The following AUTS2 variants were observed in gnomAD, a reference collection of about 807,000 sequenced individuals.
AUTS2 encodes autism susceptibility gene 2 protein.
Under a neutral mutation model 112.4 loss-of-function variants are expected in AUTS2, and 17 were observed. The observed-to-expected ratio is 0.15, with a 90% CI of 0.10 to 0.23. The LOEUF is 0.23. AUTS2 is among the 10% of genes least tolerant of loss of function. The pLI is 1.00. For synonymous variants in AUTS2, 751 were observed against 702.7 expected (o/e 1.07, Z -1.09); for missense variants, 1,510 against 1,701.6 (o/e 0.89, Z 1.98).
At chr7:70,515,696 C>CCT (rs914414901) in intron 5 of AUTS2, among the ~76,000 whole-genome samples, 6 of 151,800 alleles carry the variant, frequency 4.0e-5, no homozygotes, top group Non-Finnish European at 4.4e-5. Flanking sequence ...CCTGACTCTC[C>CCT]CTCTCTCTCT....
intron 5 of AUTS2, among the ~76,000 whole-genome samples, chr7:70,583,646 G>A (rs1399802490): frequency 6.6e-6 from 1 of 152,228 alleles, no homozygotes; most frequent in Non-Finnish European, 1.5e-5. Context: ...TGGACAGTGA[G>A]TGAAGAAAGA....
rs374543649 is a variant in AUTS2, at chr7:70,547,864, C to T, written c.690+112083C>T. Among the ~76,000 whole-genome samples, 4 of 152,152 alleles carry T rather than the reference C, an allele frequency of 2.6e-5. No homozygotes were observed. The South Asian group carries it at 8.3e-4, about 32-fold the overall frequency. ...ATGCAATAAGTTTCTGTTTAACTTT[C>T]TTAAGATACTGCCACACTGTTTTCC... On this transcript the variant is annotated intron_variant, in intron 5 of 18. Transcript: ENST00000342771.
intron 5 of AUTS2, among the ~76,000 whole-genome samples, chr7:70,625,565 G>A (rs1048422569): frequency 3.3e-5 from 5 of 152,178 alleles, no homozygotes; most frequent in Admixed American, 6.5e-5. Flanking sequence ...GCTCCTTGAG[G>A]ATAAAGGCTA....
chr7:70,386,970 G>A (rs556643108), intron 4 of AUTS2, among the ~76,000 whole-genome samples: 3 of 152,180 alleles, frequency 2.0e-5, no homozygotes, highest in South Asian at 4.2e-4. Context: ...TCTCTAAGGT[G>A]GATGCCTTCA....
intron 5 of AUTS2, among the ~76,000 whole-genome samples, chr7:70,515,425 T>G (rs1243659611): frequency 6.6e-6 from 1 of 152,188 alleles, no homozygotes; most frequent in Non-Finnish European, 1.5e-5. Flanking sequence ...GCAATGCTAG[T>G]GAGAATTCAG....
chr7:70,425,746 G>T (rs1011169487), intron 4 of AUTS2, among the ~76,000 whole-genome samples: 10 of 152,152 alleles, frequency 6.6e-5, no homozygotes, highest in African/African-American at 2.4e-4. Flanking sequence ...TGAAATCAGT[G>T]AAGAATTCTA....
intron 5 of AUTS2, among the ~76,000 whole-genome samples, chr7:70,656,218 A>G (rs1681490203): frequency 6.6e-6 from 1 of 152,142 alleles, no homozygotes; most frequent in Non-Finnish European, 1.5e-5. Context: ...GTAAAATCAT[A>G]TAATGTCTGC....
intron 4 of AUTS2, among the ~76,000 whole-genome samples, chr7:70,197,401 G>C (rs1220657496): frequency 6.6e-6 from 1 of 150,750 alleles, no homozygotes; most frequent in African/African-American, 2.4e-5. Flanking sequence ...CGCAGAAGAC[G>C]GGTGATTTCT....
intron 4 of AUTS2, among the ~76,000 whole-genome samples, chr7:70,305,116 A>T (rs1291184155): frequency 1.3e-5 from 2 of 152,158 alleles, no homozygotes; most frequent in Non-Finnish European, 2.9e-5. Context: ...TATTGATAAT[A>T]CCATAATTTA....
intron 1 of AUTS2, chr7:69,824,818 CT>C (rs540210558): frequency 6.6e-6 from 1 of 152,190 alleles, no homozygotes; most frequent in Non-Finnish European, 1.5e-5. Flanking sequence ...AGCTTTGCAG[CT>C]GTCTACTTAA....
chr7:69,846,638 A>AT (rs1792213979), intron 1 of AUTS2, among the ~76,000 whole-genome samples: 1 of 152,208 alleles, frequency 6.6e-6, no homozygotes, highest in Admixed American at 6.5e-5. Context: ...CAGTGGCACA[A>AT]TCTTGGCTCA....
intron 1 of AUTS2, among the ~76,000 whole-genome samples, chr7:69,867,254 A>AGTT: frequency 6.6e-6 from 1 of 152,250 alleles, no homozygotes; most frequent in Middle Eastern, 3.4e-3. Context: ...GGCCTTGAGG[A>AGTT]CTTGGTGGGA....
intron 1 of AUTS2, among the ~76,000 whole-genome samples, chr7:69,672,345 C>T (rs1008832847): frequency 6.6e-6 from 1 of 152,180 alleles, no homozygotes; most frequent in African/African-American, 2.4e-5. Context: ...AGATGTGAGC[C>T]ACTGTGCCCT....
chr7:69,879,964 T>C (rs577649142), intron 1 of AUTS2, among the ~76,000 whole-genome samples: 1 of 152,332 alleles, frequency 6.6e-6, no homozygotes, highest in East Asian at 1.9e-4. Flanking sequence ...GATTTCCCTA[T>C]GTTGCCCAGT....
chr7:69,755,676 T>C (rs1787917008), intron 1 of AUTS2, among the ~76,000 whole-genome samples: 1 of 152,192 alleles, frequency 6.6e-6, no homozygotes, highest in Non-Finnish European at 1.5e-5. Context: ...TATCAGTCTC[T>C]ATTGGTTATT....
chr7:69,942,610 G>A (rs1357601200), intron 2 of AUTS2, among the ~76,000 whole-genome samples: 4 of 152,192 alleles, frequency 2.6e-5, no homozygotes, highest in Non-Finnish European at 5.9e-5. Context: ...TCCAGCATCT[G>A]CAAGAGTTTT....
At chr7:70,617,516 A>T (rs1334119974) in intron 5 of AUTS2, among the ~76,000 whole-genome samples, 1 of 152,122 alleles carries the variant, frequency 6.6e-6, no homozygotes, top group Non-Finnish European at 1.5e-5. Context: ...CAAAAAAATT[A>T]GCTGGGCGTG....
chr7:69,927,005 A>C (rs931395979), intron 2 of AUTS2, among the ~76,000 whole-genome samples: 2 of 147,396 alleles, frequency 1.4e-5, no homozygotes, highest in African/African-American at 4.9e-5. Context: ...ACCACGAAAA[A>C]CAAGGAAATA....
intron 1 of AUTS2, among the ~76,000 whole-genome samples, chr7:69,631,043 G>A (rs1192656869): frequency 6.6e-6 from 1 of 152,108 alleles, no homozygotes; most frequent in Non-Finnish European, 1.5e-5. Flanking sequence ...ACTAGGCGTA[G>A]AAACAAGAGG....
Sources: allele counts gnomAD v4.1 joint callset (sites outside exome capture counted in the v4.1 genomes callset), GRCh38; gene constraint gnomAD v4.1.1; transcripts MANE v1.5; gene names NCBI Gene and HGNC (gene_info 2026-07-23, HGNC 2026-07-21).